The following OXCT1 variants were observed in gnomAD, a reference collection of about 807,000 sequenced individuals.
OXCT1 encodes the protein succinyl-CoA:3-ketoacid coenzyme A transferase 1, mitochondrial.
Under a neutral mutation model 69.6 loss-of-function variants are expected in OXCT1, and 27 were observed. That is an observed-to-expected ratio of 0.39 (90% CI 0.29 to 0.54). The LOEUF is 0.54. Ranked by LOEUF, OXCT1 falls within the 20% of genes least tolerant of loss-of-function variation. The probability of loss-of-function intolerance (pLI) is 0.72; values close to 1 mark genes in which losing one functional copy is unlikely to be tolerated. For missense variants in OXCT1, 437 were observed against 650.2 expected, an observed-to-expected ratio of 0.67 and a Z score of 3.57; for synonymous variants, 202 against 217.8, an observed-to-expected ratio of 0.93 and a Z score of 0.64.
chr5:41,736,548 T>G (rs1001690462), intron 16 of OXCT1, among the ~76,000 whole-genome samples: 1 of 152,230 alleles, frequency 6.6e-6, no homozygotes, highest in African/African-American at 2.4e-5. Context: ...CTATCATTCT[T>G]TTTTGATATC....
At chr5:41,751,516 G>A (rs1020242777) in intron 14 of OXCT1, among the ~76,000 whole-genome samples, 3 of 152,066 alleles carry the variant, frequency 2.0e-5, no homozygotes, top group African/African-American at 7.2e-5. Flanking sequence ...GTAAAACCTG[G>A]CCATGCCCCC....
At chr5:41,863,026 G>T (rs535928099) in intron 1 of OXCT1, among the ~76,000 whole-genome samples, 1 of 151,676 alleles carries the variant, frequency 6.6e-6, no homozygotes, top group African/African-American at 2.4e-5. Flanking sequence ...GGAAAGTACG[G>T]TACAATAAGA....
chr5:41,803,168 A>G lies in OXCT1; in HGVS notation c.956-5T>C, dbSNP rs1370494301. 1.9e-6 allele frequency: 3 copies of G among 1,574,534 alleles called. No individual in the cohort carries two copies. The highest frequency in any genetic ancestry group is 2.6e-6 in the Non-Finnish European group (3 of 1,145,080). Reference sequence around the variant, plus strand: ...GGATTCCTATGCCCAAATTAGCTGGAAAAAAAAGATGTTAAGGTCCAGCAT... The same window carrying G: ...GGATTCCTATGCCCAAATTAGCTGGGAAAAAAAGATGTTAAGGTCCAGCAT... On this transcript the variant is annotated splice_region_variant and splice_polypyrimidine_tract_variant and intron_variant, in intron 9 of 16. Coordinates refer to ENST00000196371, the MANE Select transcript of OXCT1 (RefSeq NM_000436.4).
intron 7 of OXCT1, among the ~76,000 whole-genome samples, chr5:41,827,624 C>G (rs1747869771): frequency 6.6e-6 from 1 of 152,162 alleles, no homozygotes; most frequent in African/African-American, 2.4e-5. Context: ...ATTGACTTGC[C>G]ATTCATCACT....
At chr5:41,765,151 C>T (rs1744536148) in intron 13 of OXCT1, among the ~76,000 whole-genome samples, 1 of 152,184 alleles carries the variant, frequency 6.6e-6, no homozygotes, top group Admixed American at 6.5e-5. Flanking sequence ...TTCACTCCAG[C>T]TTAGCTAGGC....
intron 9 of OXCT1, 115 bp from the exon 10 acceptor site, chr5:41,803,278 T>C (rs900390281): frequency 1.5e-6 from 1 of 689,286 alleles, no homozygotes; most frequent in Non-Finnish European, 2.6e-6. Flanking sequence ...TTACTCTGAA[T>C]GTAATAAATG....
chr5:41,866,674 T>A (rs1019250941), intron 1 of OXCT1, among the ~76,000 whole-genome samples: 1 of 152,224 alleles, frequency 6.6e-6, no homozygotes, highest in Admixed American at 6.5e-5. Context: ...CTGCCAATTA[T>A]GCACATGTGA....
intron 13 of OXCT1, among the ~76,000 whole-genome samples, chr5:41,783,078 C>T (rs920205576): frequency 5.9e-5 from 9 of 151,884 alleles, no homozygotes; most frequent in African/African-American, 1.9e-4. Context: ...CAGATAATGC[C>T]GAAATGTTTA....
At chr5:41,865,672 G>T (rs1749930165) in intron 1 of OXCT1, among the ~76,000 whole-genome samples, 1 of 152,110 alleles carries the variant, frequency 6.6e-6, no homozygotes, top group Admixed American at 6.6e-5. Flanking sequence ...TTCCAATTCT[G>T]CCACAGTTGT....
At chr5:41,805,418 T>C (rs1334399449) in intron 9 of OXCT1, 149 bp downstream of exon 9, 2 of 636,044 alleles carry the variant, frequency 3.1e-6, no homozygotes, top group Non-Finnish European at 5.6e-6. Context: ...ATATGCCACA[T>C]TTTGTAAAAA....
chr5:41,836,013 C>T (rs1467329044), intron 7 of OXCT1, among the ~76,000 whole-genome samples: 2 of 152,154 alleles, frequency 1.3e-5, no homozygotes, highest in East Asian at 3.8e-4. Flanking sequence ...AGAAGACTAG[C>T]AGAGGGGCTC....
intron 9 of OXCT1, among the ~76,000 whole-genome samples, chr5:41,803,366 A>G (rs977502922): frequency 6.6e-6 from 1 of 152,080 alleles, no homozygotes; most frequent in Non-Finnish European, 1.5e-5. Context: ...CAGCTTTTTC[A>G]GTAACATTAA....
chr5:41,840,546 A>G (rs202077473), intron 6 of OXCT1, 35 bp from the exon 7 acceptor site: 64 of 1,364,826 alleles, frequency 4.7e-5, no homozygotes, highest in African/African-American at 4.1e-4. Context: ...AGTGGGGGGG[A>G]AAAGACGAAA....
intron 7 of OXCT1, among the ~76,000 whole-genome samples, chr5:41,840,198 G>T (rs1748557520): frequency 6.6e-6 from 1 of 152,090 alleles, no homozygotes; most frequent in African/African-American, 2.4e-5. Context: ...AGGATCAAAA[G>T]ACTTTTATAA....
At chr5:41,864,746 A>G (rs1400547275) in intron 1 of OXCT1, among the ~76,000 whole-genome samples, 1 of 152,182 alleles carries the variant, frequency 6.6e-6, no homozygotes, top group Non-Finnish European at 1.5e-5. Flanking sequence ...CCTTTCTACT[A>G]CAATATGCTT....
At chr5:41,842,543 A>G (rs1748677404) in intron 6 of OXCT1, 132 bp downstream of exon 6, 1 of 746,038 alleles carries the variant, frequency 1.3e-6, no homozygotes, top group Admixed American at 1.9e-5. Flanking sequence ...ACACACCTAT[A>G]TATGTGCAAT....
chr5:41,731,433 A>G lies in OXCT1; in HGVS notation c.*296T>C. ...TAGGGCCCTTCTTGGGGAAAGGTTCATATAATTTAGCATACATACCATATT... is the reference window on the plus strand; with the variant it reads ...TAGGGCCCTTCTTGGGGAAAGGTTCGTATAATTTAGCATACATACCATATT... On this transcript the variant is annotated 3_prime_UTR_variant, in exon 17 of 17. Coordinates refer to ENST00000196371, the MANE Select transcript of OXCT1 (RefSeq NM_000436.4). 1 of 1,051,676 alleles carries G rather than the reference A, an allele frequency of 9.5e-7. No homozygotes were observed. 65.1% of individuals were successfully genotyped at this position (1,051,676 alleles called of 1,614,324 possible). A position where few individuals can be genotyped will look rare whatever the true frequency, so the allele number is the denominator to read the frequency against.
chr5:41,835,504 C>T (rs1236324429), intron 7 of OXCT1, among the ~76,000 whole-genome samples: 4 of 152,072 alleles, frequency 2.6e-5, no homozygotes, highest in Non-Finnish European at 4.4e-5. Flanking sequence ...ATGGGTTCAC[C>T]GATATTCAAT....
chr5:41,738,596 C>T (rs978129869), intron 16 of OXCT1, among the ~76,000 whole-genome samples: 5 of 152,288 alleles, frequency 3.3e-5, no homozygotes, highest in Middle Eastern at 3.4e-3. Context: ...CAATCTTATG[C>T]TGTCTTTGTT....
Sources: allele counts gnomAD v4.1 joint callset (sites outside exome capture counted in the v4.1 genomes callset), GRCh38; gene constraint gnomAD v4.1.1; transcripts MANE v1.5; gene names NCBI Gene and HGNC (gene_info 2026-07-23, HGNC 2026-07-21).